ARHGEF10L: variants seen among roughly 807,000 people sequenced by gnomAD.
ARHGEF10L encodes Rho guanine nucleotide exchange factor 10 like.
In ARHGEF10L, 69 loss-of-function variants were observed where a neutral mutation model predicts 141.2. That is an observed-to-expected ratio of 0.49 (90% CI 0.40 to 0.60). The LOEUF is 0.60. ARHGEF10L is among the 20% of genes least tolerant of loss of function. The probability of loss-of-function intolerance (pLI) is 0.00; values close to 1 mark genes in which losing one functional copy is unlikely to be tolerated. For missense variants in ARHGEF10L, 1,482 were observed against 1,734.3 expected, an observed-to-expected ratio of 0.85 and a Z score of 2.58; for synonymous variants, 711 against 718.5, an observed-to-expected ratio of 0.99 and a Z score of 0.17.
chr1:17,670,604 A>G (rs1424837326), intron 26 of ARHGEF10L, among the ~76,000 whole-genome samples: 1 of 152,240 alleles, frequency 6.6e-6, no homozygotes, highest in African/African-American at 2.4e-5. Context: ...AGTGCCCTGC[A>G]AGGCTGCTCC....
In ARHGEF10L at chr1:17,615,190, C is replaced by T. The variant is rs1271810489; in HGVS notation, c.727-904C>T. 6.6e-6 allele frequency: 1 copy of T among 152,254 alleles called. No individual in the cohort carries two copies. The highest frequency in any genetic ancestry group is 1.5e-5 in the Non-Finnish European group (1 of 68,062). 9.4% of individuals were successfully genotyped at this position (152,254 alleles called of 1,614,324 possible). ...TGGACAGGGCAGATACAGAGTGTTT[C>T]TGTCATTGCAGAGCCTTCTCTTTGC... On this transcript the variant is annotated intron_variant, in intron 8 of 28. Transcript: ENST00000361221. The surrounding 1 kb of genome is among the most constrained non-coding windows in gnomAD (Gnocchi z 4.7).
chr1:17,633,576 T>C (rs1571113134), intron 16 of ARHGEF10L, among the ~76,000 whole-genome samples: 1 of 152,206 alleles, frequency 6.6e-6, no homozygotes, highest in African/African-American at 2.4e-5. Flanking sequence ...GGTCTCAAAC[T>C]CCTGACCTCA....
At chr1:17,569,963 G>A (rs2077925396) in intron 1 of ARHGEF10L, among the ~76,000 whole-genome samples, 1 of 152,210 alleles carries the variant, frequency 6.6e-6, no homozygotes, top group South Asian at 2.1e-4. Flanking sequence ...TTTCCACTCT[G>A]GTTTTGGGGA....
chr1:17,691,526 A>G (rs1001016576), intron 27 of ARHGEF10L, among the ~76,000 whole-genome samples: 2 of 152,052 alleles, frequency 1.3e-5, no homozygotes, highest in African/African-American at 4.8e-5. Context: ...TGAAAAATTC[A>G]CCACTGTCCC....
chr1:17,661,320 C>T (rs1255854963), intron 25 of ARHGEF10L, among the ~76,000 whole-genome samples: 3 of 152,210 alleles, frequency 2.0e-5, no homozygotes, highest in South Asian at 2.1e-4. Context: ...TCAGGTGATC[C>T]GGCCGCCCCG....
upstream of ARHGEF10L, among the ~76,000 whole-genome samples, chr1:17,536,588 T>C (rs1304926811): frequency 1.3e-5 from 2 of 152,176 alleles, no homozygotes; most frequent in Admixed American, 1.3e-4. Context: ...TGGCCTGGAC[T>C]GTGAGGGCTG....
intron 26 of ARHGEF10L, among the ~76,000 whole-genome samples, chr1:17,686,991 T>C (rs999194036): frequency 6.6e-6 from 1 of 152,064 alleles, no homozygotes; most frequent in African/African-American, 2.4e-5. Context: ...GACCCAAACT[T>C]GTTCACTCTG....
chr1:17,523,277 T>C, the ARHGEF10L span, among the ~76,000 whole-genome samples: 1 of 151,940 alleles, frequency 6.6e-6, no homozygotes, highest in Non-Finnish European at 1.5e-5. Context: ...TCAGTAGAGA[T>C]GGGGTTTCAC....
Position 17,587,645 on chromosome 1 carries a change from G to A in ARHGEF10L, c.223G>A (p.Asp75Asn), listed in dbSNP as rs1226176353. The A allele has an allele frequency of 6.2e-7, 1 of 1,606,124 alleles. No individual in the cohort carries two copies. Among genetic ancestry groups the A allele is most frequent in the Non-Finnish European group, 8.5e-7 (1 of 1,175,260 alleles). The change falls in exon 3 of 29, where the codon GAC becomes AAC. Residue 75 changes from aspartate to asparagine, a missense_variant and splice_region_variant. Physicochemically the swap from Asp to Asn is conservative, Grantham distance 23. Coordinates refer to ENST00000361221, the MANE Select transcript of ARHGEF10L (RefSeq NM_018125.4). ...LIHLDSIPVT[D>N]PDPAAAPPGT... ...CCACTTGGACTCCATCCCTGTCACT[G>A]GTAAGATGTTTCTGGGAACTTCCGG... is the stretch of plus-strand genomic sequence containing the variant.
At position 17,587,526 on chromosome 1, in the gene ARHGEF10L, T is replaced by C. The variant is rs371016546; in HGVS notation, c.104T>C (p.Phe35Ser). 4.5e-5 allele frequency: 72 copies of C among 1,610,652 alleles called. No individual in the cohort carries two copies. The African/African-American group carries it at 7.5e-4, about 17-fold the overall frequency. Residue 35 changes from phenylalanine to serine, a missense_variant, in exon 3 of 29, where the codon TTT becomes TCT. Transcript: ENST00000361221. Reference protein sequence around the residue: ...SEAEDDPGEAFEFDDSDDEED... With the variant: ...SEAEDDPGEASEFDDSDDEED... ...GCAGAGGACGACCCAGGAGAGGCGT[T>C]TGAGTTTGATGACAGTGATGATGAA...
intron 1 of ARHGEF10L, among the ~76,000 whole-genome samples, chr1:17,577,554 C>CT (rs1351002308): frequency 6.6e-6 from 1 of 152,222 alleles, no homozygotes; most frequent in African/African-American, 2.4e-5. Flanking sequence ...CCTTCTGAGA[C>CT]TAACAGCCTG....
At chr1:17,612,927 C>T (rs943256733) in intron 7 of ARHGEF10L, 131 bp from the exon 8 acceptor site, 6 of 654,838 alleles carry the variant, frequency 9.2e-6, no homozygotes, top group African/African-American at 9.1e-5. Flanking sequence ...TGCCGCATCC[C>T]GCCTGCCCGA....
At chr1:17,555,496 C>A (rs541159066) in intron 1 of ARHGEF10L, among the ~76,000 whole-genome samples, 1 of 152,242 alleles carries the variant, frequency 6.6e-6, no homozygotes, top group South Asian at 2.1e-4. Context: ...GCTGGGATTA[C>A]AGGTGCACAC....
At chr1:17,552,849 G>A (rs12080644) in intron 1 of ARHGEF10L, among the ~76,000 whole-genome samples, 2 of 152,128 alleles carry the variant, frequency 1.3e-5, no homozygotes, top group South Asian at 4.1e-4. Context: ...GTAAATGGCA[G>A]AATTTGAACC....
chr1:17,533,407 C>T, the ARHGEF10L span, among the ~76,000 whole-genome samples: 1 of 152,150 alleles, frequency 6.6e-6, no homozygotes, highest in Admixed American at 6.5e-5. Context: ...TGGCCTCAAG[C>T]AATCCTCCCA....
intron 26 of ARHGEF10L, among the ~76,000 whole-genome samples, chr1:17,678,094 C>T (rs1263978955): frequency 2.6e-5 from 4 of 152,070 alleles, no homozygotes; most frequent in Admixed American, 6.5e-5. Context: ...CAGTCTTCAC[C>T]GGGTCCCCAG....
chr1:17,620,650 C>T (rs568686530), intron 10 of ARHGEF10L, among the ~76,000 whole-genome samples: 1 of 152,232 alleles, frequency 6.6e-6, no homozygotes, highest in South Asian at 2.1e-4. Context: ...CAGGAGGAGG[C>T]AGCAGAGGGA....
chr1:17,544,291 T>TATGA (rs200881521), intron 1 of ARHGEF10L, among the ~76,000 whole-genome samples: 11,671 of 150,862 alleles, frequency 0.077, 508 homozygotes, highest in African/African-American at 0.1. Flanking sequence ...TATATATATA[T>TATGA]AATAATTTTT....
At chr1:17,606,983 A>G (rs1231527817) in intron 6 of ARHGEF10L, among the ~76,000 whole-genome samples, 5 of 152,158 alleles carry the variant, frequency 3.3e-5, no homozygotes, top group Non-Finnish European at 7.4e-5. Flanking sequence ...CATTTCCCGC[A>G]GGCTTAGGAA....
Sources: gnomAD v4.1 joint callset for allele counts (sites outside exome capture counted in the v4.1 genomes callset) on GRCh38, gnomAD v4.1.1 for gene constraint, Gnocchi (gnomAD v3.1) non-coding constraint, MANE v1.5 for transcripts, NCBI Gene and HGNC (gene_info 2026-07-23, HGNC 2026-07-21) for gene names.